The following LIMCH1 variants were observed in gnomAD, a reference collection of about 807,000 sequenced individuals.
The protein encoded by LIMCH1 is LIM and calponin homology domains-containing protein 1.
LIMCH1 carries 113 observed loss-of-function variants against 176.5 expected under a neutral mutation model. The ratio of observed to expected loss-of-function variants is 0.64; its 90% CI spans 0.55 to 0.75. The LOEUF is 0.75. Among genes scored for constraint, LIMCH1 ranks in the 30% least tolerant of loss-of-function variants. The pLI, the probability that LIMCH1 is intolerant of heterozygous loss-of-function variation, is 0.00. For synonymous variants in LIMCH1, 619 were observed against 645.9 expected (o/e 0.96, Z 0.63); for missense variants, 1,674 against 1,814.9 (o/e 0.92, Z 1.41).
intron 4 of LIMCH1, chr4:41,612,905 G>A: frequency 7.0e-7 from 1 of 1,429,490 alleles, no homozygotes; most frequent in African/African-American, 1.5e-5. Flanking sequence ...CCCTTTCAGA[G>A]CAGGAATTTC....
chr4:41,463,398 T>C (rs921334929), intron 1 of LIMCH1, among the ~76,000 whole-genome samples: 1 of 152,046 alleles, frequency 6.6e-6, no homozygotes, highest in Non-Finnish European at 1.5e-5. Flanking sequence ...TTCCCATTGG[T>C]AGTAAATCTG....
At chr4:41,549,894 A>G (rs2080142972) in intron 1 of LIMCH1, among the ~76,000 whole-genome samples, 1 of 152,104 alleles carries the variant, frequency 6.6e-6, no homozygotes, top group South Asian at 2.1e-4. Context: ...TTATTGAGTA[A>G]GATTATTACA....
chr4:41,597,203 T>C (rs1349007964), intron 1 of LIMCH1, among the ~76,000 whole-genome samples: 2 of 152,182 alleles, frequency 1.3e-5, no homozygotes, highest in Non-Finnish European at 2.9e-5. Context: ...CTTCAGTTCC[T>C]CATATAAGAC....
At chr4:41,682,780 G>A (rs904233181) in intron 26 of LIMCH1, among the ~76,000 whole-genome samples, 7 of 150,712 alleles carry the variant, frequency 4.6e-5, no homozygotes, top group African/African-American at 9.8e-5. Flanking sequence ...AGGTTCAAGC[G>A]AGTCTCCTCC....
intron 6 of LIMCH1, chr4:41,620,172 T>C (rs961408363): frequency 2.3e-6 from 1 of 440,444 alleles, no homozygotes; most frequent in Non-Finnish European, 4.0e-6. Flanking sequence ...ACTAATGAAA[T>C]TTACCTTTCC....
At chr4:41,654,565 CA>C (rs2094410180) in intron 18 of LIMCH1, among the ~76,000 whole-genome samples, 2 of 151,974 alleles carry the variant, frequency 1.3e-5, no homozygotes, top group African/African-American at 4.8e-5. Context: ...GTAAGAAAAC[CA>C]GAGGAATATA....
intron 1 of LIMCH1, among the ~76,000 whole-genome samples, chr4:41,562,433 GAA>G (rs1253817126): frequency 1.3e-5 from 2 of 152,130 alleles, no homozygotes; most frequent in Non-Finnish European, 2.9e-5. Flanking sequence ...GAAATAAAAG[GAA>G]AAGTGTCAAT....
chr4:41,678,235 C>CT (rs58108652), intron 23 of LIMCH1, among the ~76,000 whole-genome samples: 41,738 of 147,648 alleles, frequency 0.28, 6,155 homozygotes, highest in Non-Finnish European at 0.32. Context: ...TTTTTCTTTT[C>CT]TTTTTTTTTT....
intron 1 of LIMCH1, among the ~76,000 whole-genome samples, chr4:41,483,594 T>G (rs569671890): frequency 2.7e-4 from 41 of 152,298 alleles, no homozygotes; most frequent in African/African-American, 9.6e-4. Context: ...CCCTTCCCCA[T>G]CTCGACCATG....
At chr4:41,454,977 TGTTTGTG>T (rs2064384801) in intron 1 of LIMCH1, among the ~76,000 whole-genome samples, 1 of 148,006 alleles carries the variant, frequency 6.8e-6, no homozygotes, top group Admixed American at 6.7e-5. Context: ...TGTGTGTGTG[TGTTTGTG>T]TGGTCAAATT....
chr4:41,394,157 T>G (rs890439896), intron 1 of LIMCH1, among the ~76,000 whole-genome samples: 2 of 152,152 alleles, frequency 1.3e-5, no homozygotes, highest in African/African-American at 4.8e-5. Flanking sequence ...AGGCCAAAAT[T>G]GGTTCTGTTT....
At chr4:41,491,801 C>T (rs534339122) in intron 1 of LIMCH1, among the ~76,000 whole-genome samples, 207 of 147,128 alleles carry the variant, frequency 1.4e-3, no homozygotes, top group African/African-American at 5.0e-3. Context: ...CACTTCCTCC[C>T]AGACGGGGCG....
chr4:41,367,937 T>G (rs2053354329), intron 1 of LIMCH1, among the ~76,000 whole-genome samples: 2 of 151,528 alleles, frequency 1.3e-5, no homozygotes, highest in South Asian at 4.2e-4. Flanking sequence ...TTTCCATGAC[T>G]GAAAACTGTT....
intron 1 of LIMCH1, among the ~76,000 whole-genome samples, chr4:41,370,496 T>A (rs1054296585): frequency 2.0e-5 from 3 of 151,970 alleles, no homozygotes; most frequent in African/African-American, 7.3e-5. Flanking sequence ...AGAAATAGCA[T>A]CCCCTCTTCT....
rs1562062778 is a variant in LIMCH1, at chr4:41,646,242, G to A, written c.2373G>A (p.Arg791=). The A allele has an allele frequency of 6.2e-6, 10 of 1,612,786 alleles. No individual in the cohort carries two copies. Among genetic ancestry groups the A allele is most frequent in the African/African-American group, 4.0e-5 (3 of 74,828 alleles). The part of the protein sequence containing the change: ...LAGEDGTSER[R]KSIKTYREIV... ...GAGAAGATGGGACAAGTGAACGAAG[G>A]AAAAGCATCAAAACCTACAGAGAAA... is the stretch of plus-strand genomic sequence containing the variant. Residue 791 remains arginine (R), a synonymous_variant, in exon 16 of 32, where the codon AGG becomes AGA. Transcript: ENST00000503057.
At chr4:41,632,061 A>G (rs1233333966) in intron 10 of LIMCH1, among the ~76,000 whole-genome samples, 1 of 152,204 alleles carries the variant, frequency 6.6e-6, no homozygotes, top group Admixed American at 6.5e-5. Flanking sequence ...GTGTGAGGGA[A>G]GAACACCTTT....
intron 18 of LIMCH1, among the ~76,000 whole-genome samples, chr4:41,653,694 G>A (rs534757295): frequency 1.7e-3 from 258 of 152,338 alleles, no homozygotes; most frequent in African/African-American, 5.0e-3. Flanking sequence ...AGAGAAGGGC[G>A]GCCCGAGACC....
At chr4:41,485,496 A>G (rs1024738156) in intron 1 of LIMCH1, among the ~76,000 whole-genome samples, 4 of 152,328 alleles carry the variant, frequency 2.6e-5, no homozygotes, top group Admixed American at 1.3e-4. Flanking sequence ...CTTTCTTGAA[A>G]GGCACACAGG....
intron 20 of LIMCH1, among the ~76,000 whole-genome samples, chr4:41,663,419 T>C (rs2094702510): frequency 6.6e-6 from 1 of 152,172 alleles, no homozygotes; most frequent in Non-Finnish European, 1.5e-5. Flanking sequence ...AGTTAGGTTT[T>C]AGTTTGCTGT....
Sources: gnomAD v4.1 joint callset for allele counts (sites outside exome capture counted in the v4.1 genomes callset) on GRCh38, gnomAD v4.1.1 for gene constraint, MANE v1.5 for transcripts, NCBI Gene and HGNC (gene_info 2026-07-23, HGNC 2026-07-21) for gene names.